The following CLVS1 variants were observed in gnomAD, a reference collection of about 807,000 sequenced individuals.
CLVS1 encodes the protein clavesin 1, also known as clavesin-1.
In CLVS1, 10 loss-of-function variants were observed where a neutral mutation model predicts 33.1. That is an observed-to-expected ratio of 0.30 (90% CI 0.19 to 0.51). CLVS1 has a LOEUF of 0.51. Among genes scored for constraint, CLVS1 ranks in the 20% least tolerant of loss-of-function variants. The pLI is 0.97. For missense variants in CLVS1, 343 were observed against 433.4 expected (o/e 0.79, Z 1.85); for synonymous variants, 163 against 166.1 (o/e 0.98, Z 0.14).
rs140690487 is a variant in CLVS1, at chr8:61,222,709, G to A, written c.-151-76968G>A. The stretch of plus-strand genomic sequence containing the variant: ...TACTAGGTCCACTTGATGCAGAGTT[G>A]AGTTCAAGTCCTGAATATCCTTGTT... On this transcript the variant is annotated intron_variant, in intron 2 of 2. Transcript: ENST00000522621. Among the ~76,000 whole-genome samples, 3 of 152,176 alleles carry A rather than the reference G, an allele frequency of 2.0e-5. No homozygotes were observed. In the South Asian group the frequency reaches 6.2e-4, roughly 31 times the overall value.
chr8:61,234,681 C>T (rs924408144), intron 2 of CLVS1, among the ~76,000 whole-genome samples: 2 of 152,092 alleles, frequency 1.3e-5, no homozygotes, highest in Admixed American at 6.5e-5. Context: ...ATCACGCAGG[C>T]GGACAATGGC....
intron 3 of CLVS1, among the ~76,000 whole-genome samples, chr8:61,453,032 T>C (rs1277534287): frequency 1.3e-5 from 2 of 152,084 alleles, no homozygotes; most frequent in East Asian, 3.9e-4. Context: ...AGCTCGCTGC[T>C]GAACCATTTC....
At chr8:61,353,413 A>T (rs1812555323) in intron 2 of CLVS1, among the ~76,000 whole-genome samples, 1 of 152,046 alleles carries the variant, frequency 6.6e-6, no homozygotes, top group South Asian at 2.1e-4. Context: ...ATCTCAGAAG[A>T]CATGGAAATT....
the CLVS1 span, among the ~76,000 whole-genome samples, chr8:61,023,530 G>A: frequency 6.6e-6 from 1 of 152,120 alleles, no homozygotes; most frequent in South Asian, 2.1e-4. Context: ...TTGATTTCGG[G>A]GCTTTAAAAA....
intron 1 of CLVS1, among the ~76,000 whole-genome samples, chr8:61,119,242 C>G (rs1247890623): frequency 6.6e-6 from 1 of 152,020 alleles, no homozygotes; most frequent in Non-Finnish European, 1.5e-5. Context: ...TTCCTCCATC[C>G]TTTTATTTTG....
intron 2 of CLVS1, among the ~76,000 whole-genome samples, chr8:61,273,419 C>A (rs1809491418): frequency 6.6e-6 from 1 of 152,194 alleles, no homozygotes; most frequent in Non-Finnish European, 1.5e-5. Context: ...ACATTTAAGT[C>A]TGCAGAGGTT....
At chr8:61,188,580 T>C (rs1208559779) in intron 2 of CLVS1, among the ~76,000 whole-genome samples, 7 of 152,108 alleles carry the variant, frequency 4.6e-5, no homozygotes, top group Non-Finnish European at 5.9e-5. Flanking sequence ...CTGCAGGATA[T>C]AGGTAATGTT....
chr8:61,097,119 G>C (rs539757674), intron 1 of CLVS1, among the ~76,000 whole-genome samples: 15 of 151,962 alleles, frequency 9.9e-5, no homozygotes, highest in African/African-American at 3.4e-4. Context: ...CCAGCACTTT[G>C]AGATCCTCCT....
intron 2 of CLVS1, among the ~76,000 whole-genome samples, chr8:61,147,789 A>AT (rs1215984043): frequency 6.6e-6 from 1 of 152,232 alleles, no homozygotes; most frequent in Non-Finnish European, 1.5e-5. Context: ...TGAGTCTGTT[A>AT]TGGTTTATAC....
At chr8:61,407,520 A>T (rs1815038459) in intron 3 of CLVS1, among the ~76,000 whole-genome samples, 1 of 152,258 alleles carries the variant, frequency 6.6e-6, no homozygotes, top group Non-Finnish European at 1.5e-5. Flanking sequence ...ACATTTGAAA[A>T]TTAAAATAAA....
chr8:60,970,959 C>A, the CLVS1 span, among the ~76,000 whole-genome samples: 505 of 151,470 alleles, frequency 3.3e-3, 4 homozygotes, highest in African/African-American at 0.012. Flanking sequence ...CTTTCTAAAA[C>A]GTTTCCTCAA....
At chr8:60,966,747 G>A in the CLVS1 span, among the ~76,000 whole-genome samples, 1 of 152,266 alleles carries the variant, frequency 6.6e-6, no homozygotes, top group Middle Eastern at 3.4e-3. Flanking sequence ...TAAGAAATAG[G>A]ACAGTATTTA....
chr8:61,381,599 CT>C (rs1813882241), intron 3 of CLVS1, among the ~76,000 whole-genome samples: 1 of 152,120 alleles, frequency 6.6e-6, no homozygotes, highest in African/African-American at 2.4e-5. Context: ...TACCCTCCAA[CT>C]TTAAGTAGGT....
chr8:61,364,833 C>G (rs1284556624), intron 2 of CLVS1, among the ~76,000 whole-genome samples: 1 of 152,182 alleles, frequency 6.6e-6, no homozygotes, highest in African/African-American at 2.4e-5. Context: ...TTGGAGTAGG[C>G]AATTTCCTGA....
chr8:61,373,228 G>C (rs1462560143), intron 2 of CLVS1, among the ~76,000 whole-genome samples: 9 of 152,144 alleles, frequency 5.9e-5, no homozygotes, highest in Admixed American at 5.9e-4. Context: ...CTGCAGCTAA[G>C]GTAAGAGGTA....
chr8:61,322,171 A>T (rs1298831910), intron 2 of CLVS1, among the ~76,000 whole-genome samples: 1 of 152,170 alleles, frequency 6.6e-6, no homozygotes, highest in African/African-American at 2.4e-5. Flanking sequence ...GTATTGGATG[A>T]ATGACTAAAT....
In CLVS1 at chr8:61,231,306, A is replaced by T. The variant is rs12682406; in HGVS notation, c.-151-68371A>T. Among the ~76,000 whole-genome samples the T allele has an allele frequency of 0.038, 5,782 of 151,216 alleles. 578 individuals carry two copies. The East Asian group carries it at 0.41, about 11-fold the overall frequency. On this transcript the variant is annotated intron_variant, in intron 2 of 2. Transcript: ENST00000522621. ...TGCTTGCACACACACACACACACAC[A>T]CTCTAATATTAGGAAACATCTCTTA...
At chr8:61,377,100 A>T (rs1813676206) in intron 3 of CLVS1, 1 of 235,876 alleles carries the variant, frequency 4.2e-6, no homozygotes, top group African/African-American at 2.3e-5. Context: ...CTGCTTTATG[A>T]TCATGTCATA....
At chr8:61,403,743 T>G (rs1401916152) in intron 3 of CLVS1, among the ~76,000 whole-genome samples, 1 of 152,186 alleles carries the variant, frequency 6.6e-6, no homozygotes, top group East Asian at 1.9e-4. Flanking sequence ...TTTTGCACAT[T>G]GTAAACATTA....
Sources: gnomAD v4.1 joint callset for allele counts (sites outside exome capture counted in the v4.1 genomes callset) on GRCh38, gnomAD v4.1.1 for gene constraint, MANE v1.5 for transcripts, NCBI Gene and HGNC (gene_info 2026-07-23, HGNC 2026-07-21) for gene names.